Variants in ZDHHC5 observed in about 807,000 individuals in gnomAD.
ZDHHC5 encodes palmitoyltransferase ZDHHC5.
ZDHHC5 carries 22 observed loss-of-function variants against 70.0 expected under a neutral mutation model. The observed-to-expected ratio is 0.31, with a 90% confidence interval of 0.22 to 0.45. The LOEUF (loss-of-function observed/expected upper bound fraction) is 0.45. ZDHHC5 is among the 20% of genes least tolerant of loss of function. The pLI is 1.00. For missense variants in ZDHHC5, 746 were observed against 926.9 expected (o/e 0.80, Z 2.53); for synonymous variants, 313 against 347.8 (o/e 0.90, Z 1.11).
intron 8 of ZDHHC5, 119 bp from the exon 9 acceptor site, chr11:57,695,795 CAAAAAA>C: frequency 8.7e-7 from 1 of 1,147,576 alleles, no homozygotes; most frequent in Non-Finnish European, 1.2e-6. Flanking sequence ...GACCTTGTCT[CAAAAAA>C]AAAAAAAAAA....
At chr11:57,684,789 GT>G (rs566351234) in intron 3 of ZDHHC5, among the ~76,000 whole-genome samples, 14 of 152,186 alleles carry the variant, frequency 9.2e-5, no homozygotes, top group Non-Finnish European at 1.8e-4. Context: ...CAAATGTGAG[GT>G]TATTTTGCAA....
intron 2 of ZDHHC5, chr11:57,681,820 T>C (rs1244501726): frequency 1.3e-5 from 2 of 152,266 alleles, no homozygotes; most frequent in Non-Finnish European, 2.9e-5. Context: ...TGTCTTGATA[T>C]CCATTCTCAT....
chr11:57,672,946 G>A lies in ZDHHC5; in HGVS notation c.-145G>A. The A allele has an allele frequency of 1.5e-6, 1 of 648,554 alleles. No homozygotes were observed. Among genetic ancestry groups the A allele is most frequent in the Non-Finnish European group, 2.6e-6 (1 of 379,816 alleles). 40.2% of individuals were successfully genotyped at this position (648,554 alleles called of 1,614,324 possible). On this transcript the variant is annotated 5_prime_UTR_variant, in exon 2 of 12. Coordinates refer to ENST00000287169, the MANE Select transcript of ZDHHC5 (RefSeq NM_015457.3). The stretch of plus-strand genomic sequence containing the variant: ...TTTTGACCTTTGGCTTTATTTGGGA[G>A]GGGGAAGGGTGATAAAGTTTTCTGT...
Position 57,673,037 on chromosome 11 carries a change from C to A in ZDHHC5, c.-54C>A. On this transcript the variant is annotated 5_prime_UTR_variant, in exon 2 of 12. Coordinates refer to ENST00000287169, the MANE Select transcript of ZDHHC5 (RefSeq NM_015457.3). ...CCTCCCATTTTCTTGTCTGTTCTGC[C>A]GCTGTGTGGGCCTGGGCTATGCGGC... is the stretch of plus-strand genomic sequence containing the variant. 6.4e-7 allele frequency: 1 copy of A among 1,559,628 alleles called. No homozygotes were observed. Among genetic ancestry groups the A allele is most frequent in the East Asian group, 2.2e-5 (1 of 44,480 alleles).
At chr11:57,681,479 G>A (rs1010272008) in intron 2 of ZDHHC5, 3 of 152,178 alleles carry the variant, frequency 2.0e-5, no homozygotes, top group South Asian at 2.1e-4. Flanking sequence ...GAGCTGAGAC[G>A]AGAGTGTTTG....
At chr11:57,671,949 T>G (rs1468507913) in intron 1 of ZDHHC5, 72 bp from the exon 2 acceptor site, 1 of 306,174 alleles carries the variant, frequency 3.3e-6, no homozygotes, top group Non-Finnish European at 5.9e-6. Context: ...CAGCAGCCTG[T>G]GGAATTTTAG....
intron 3 of ZDHHC5, among the ~76,000 whole-genome samples, chr11:57,683,716 G>A (rs1212588762): frequency 1.3e-5 from 2 of 152,188 alleles, no homozygotes; most frequent in African/African-American, 2.4e-5. Context: ...GAGTAAGATT[G>A]TCCAGAGAAA....
At chr11:57,668,216 G>A (rs964393102) in intron 1 of ZDHHC5, 29 bp downstream of exon 1, 8 of 358,962 alleles carry the variant, frequency 2.2e-5, no homozygotes, top group Non-Finnish European at 3.0e-5. Context: ...GGTCCCTGCG[G>A]AACCGGAAGT....
intron 2 of ZDHHC5, among the ~76,000 whole-genome samples, chr11:57,679,390 G>T (rs1316800293): frequency 1.3e-5 from 2 of 152,140 alleles, no homozygotes; most frequent in Non-Finnish European, 2.9e-5. Context: ...TCGAACTCCT[G>T]ACCTCAGGTG....
At chr11:57,693,286 A>G (rs1946308465) in intron 7 of ZDHHC5, among the ~76,000 whole-genome samples, 1 of 152,170 alleles carries the variant, frequency 6.6e-6, no homozygotes, top group Non-Finnish European at 1.5e-5. Context: ...GATTGCTTGC[A>G]TGTGTAGTTT....
intron 2 of ZDHHC5, among the ~76,000 whole-genome samples, chr11:57,679,772 T>C (rs1298455265): frequency 6.6e-6 from 1 of 152,056 alleles, no homozygotes; most frequent in Non-Finnish European, 1.5e-5. Flanking sequence ...TCTCCTTAAA[T>C]CAAGCAGAAT....
intron 2 of ZDHHC5, 70 bp from the exon 3 acceptor site, chr11:57,682,352 G>C: frequency 6.5e-7 from 1 of 1,535,182 alleles, no homozygotes. Context: ...AGTCTTTACA[G>C]ATTTTTGTAT....
At chr11:57,697,635 T>TCC (rs1433998568) in intron 10 of ZDHHC5, among the ~76,000 whole-genome samples, 3 of 111,142 alleles carry the variant, frequency 2.7e-5, no homozygotes, top group Admixed American at 9.4e-5. Context: ...AGAGTGAGAG[T>TCC]CCATCTCAAA....
chr11:57,678,256 T>C (rs937953319), intron 2 of ZDHHC5, among the ~76,000 whole-genome samples: 11 of 152,196 alleles, frequency 7.2e-5, no homozygotes, highest in Non-Finnish European at 1.6e-4. Context: ...TAGTTAATAA[T>C]GTTTTCTTTT....
intron 3 of ZDHHC5, among the ~76,000 whole-genome samples, chr11:57,686,042 A>G (rs151096840): frequency 1.7e-4 from 26 of 152,250 alleles, no homozygotes; most frequent in Admixed American, 4.6e-4. Flanking sequence ...ACAAAAAACA[A>G]ATACATTGTG....
intron 3 of ZDHHC5, 22 bp from the exon 4 acceptor site, chr11:57,688,486 A>C (rs772557732): frequency 2.6e-6 from 4 of 1,521,738 alleles, no homozygotes; most frequent in Non-Finnish European, 3.5e-6. Flanking sequence ...AGTTGTTTTT[A>C]ATTGACTTTT....
chr11:57,697,307 A>G lies in ZDHHC5; in HGVS notation c.1122+434A>G, dbSNP rs1320294695. Among the ~76,000 whole-genome samples, 5 of 151,138 alleles carry G rather than the reference A, an allele frequency of 3.3e-5. No homozygotes were observed. The South Asian group carries it at 8.4e-4, about 25-fold the overall frequency. ...GAAACCCCGTCTCTACTAAAAATACAAAAAAATTAGCCAGGCATGGTGGCA... is the reference window on the plus strand; with the variant it reads ...GAAACCCCGTCTCTACTAAAAATACGAAAAAATTAGCCAGGCATGGTGGCA... On this transcript the variant is annotated intron_variant, in intron 10 of 11. Coordinates refer to ENST00000287169, the MANE Select transcript of ZDHHC5 (RefSeq NM_015457.3).
chr11:57,687,711 A>G (rs956798104), intron 3 of ZDHHC5, among the ~76,000 whole-genome samples: 19 of 149,154 alleles, frequency 1.3e-4, no homozygotes, highest in Admixed American at 4.7e-4. Flanking sequence ...TGAAATACGT[A>G]TATGTAGAGA....
chr11:57,697,823 C>T (rs1946373699), intron 10 of ZDHHC5, among the ~76,000 whole-genome samples: 1 of 107,416 alleles, frequency 9.3e-6, no homozygotes, highest in Non-Finnish European at 1.8e-5. Flanking sequence ...AGTGAGACTA[C>T]ACCTCAAAAA....
Sources: gnomAD v4.1 joint callset for allele counts (sites outside exome capture counted in the v4.1 genomes callset) on GRCh38, gnomAD v4.1.1 for gene constraint, MANE v1.5 for transcripts, NCBI Gene and HGNC (gene_info 2026-07-23, HGNC 2026-07-21) for gene names.